The following SMKR1 variants were observed in gnomAD, a reference collection of about 807,000 sequenced individuals.
SMKR1 encodes small lysine-rich protein 1.
SMKR1 carries 4 observed loss-of-function variants against 4.0 expected under a neutral mutation model. That is an observed-to-expected ratio of 1.00 (90% CI 0.49 to 2.30). SMKR1 has a LOEUF of 2.30. Ranked by LOEUF, SMKR1 falls within the 30% of genes most tolerant of loss-of-function variation. SMKR1 has a pLI of 0.02. For missense variants in SMKR1, 56 were observed against 81.8 expected (o/e 0.68, Z 1.22); for synonymous variants, 38 against 32.5 (o/e 1.17, Z -0.58).
intron 1 of SMKR1, among the ~76,000 whole-genome samples, chr7:129,507,866 T>C (rs1799486053): frequency 6.6e-6 from 1 of 152,246 alleles, no homozygotes; most frequent in African/African-American, 2.4e-5. Context: ...TTGAGTGGTT[T>C]TCTTACTGTG....
chr7:129,505,408 A>G (rs967864253), intron 1 of SMKR1, among the ~76,000 whole-genome samples: 1 of 151,958 alleles, frequency 6.6e-6, no homozygotes, highest in Non-Finnish European at 1.5e-5. Context: ...TTTGGGCAAT[A>G]AATTATATGG....
intron 1 of SMKR1, among the ~76,000 whole-genome samples, chr7:129,509,380 C>T (rs1234860754): frequency 2.0e-5 from 3 of 152,086 alleles, no homozygotes; most frequent in East Asian, 3.9e-4. Flanking sequence ...ATGTACATCC[C>T]GTACCTCATG....
intron 1 of SMKR1, among the ~76,000 whole-genome samples, chr7:129,508,992 G>T (rs1484366329): frequency 6.6e-6 from 1 of 152,108 alleles, no homozygotes; most frequent in Non-Finnish European, 1.5e-5. Context: ...AGTGTGTTTG[G>T]CATGCAAAAA....
chr7:129,502,902 G>A (rs1280851453), intron 1 of SMKR1, 75 bp downstream of exon 1: 2 of 1,526,860 alleles, frequency 1.3e-6, no homozygotes, highest in Non-Finnish European at 8.8e-7. Context: ...GGAGAGGCGC[G>A]GGCGCCGAGG....
chr7:129,512,465 T>C lies in SMKR1; in HGVS notation c.*24T>C. The C allele has an allele frequency of 6.6e-7, 1 of 1,525,218 alleles. No individual in the cohort carries two copies. 94.5% of individuals were successfully genotyped at this position (1,525,218 alleles called of 1,614,324 possible). On this transcript the variant is annotated 3_prime_UTR_variant, in exon 2 of 2. Coordinates refer to ENST00000462322, the MANE Select transcript of SMKR1 (RefSeq NM_001195243.2). Reference sequence around the variant, plus strand: ...GACAGCATTTCACAACACATCTCTGTTACAGACAACAGGACCTGGGGAAGA... The same window carrying C: ...GACAGCATTTCACAACACATCTCTGCTACAGACAACAGGACCTGGGGAAGA...
At chr7:129,511,337 A>G (rs967596757) in intron 1 of SMKR1, among the ~76,000 whole-genome samples, 4 of 152,186 alleles carry the variant, frequency 2.6e-5, no homozygotes, top group Admixed American at 2.0e-4. Context: ...GGATTTTGCC[A>G]CATTTGCTTT....
intron 1 of SMKR1, among the ~76,000 whole-genome samples, chr7:129,505,966 T>C (rs1799460818): frequency 6.6e-6 from 1 of 152,064 alleles, no homozygotes; most frequent in Non-Finnish European, 1.5e-5. Flanking sequence ...TTAAGGAGTT[T>C]GGAGGGTTTT....
intron 1 of SMKR1, among the ~76,000 whole-genome samples, chr7:129,507,319 T>C (rs540595192): frequency 1.3e-5 from 2 of 152,168 alleles, no homozygotes; most frequent in East Asian, 3.9e-4. Flanking sequence ...CCAGCCAATT[T>C]TTTTTTTTAA....
rs568537242 is a variant in SMKR1, at chr7:129,512,551, G to T, written c.*110G>T. The T allele has an allele frequency of 9.1e-7, 1 of 1,094,766 alleles. No homozygotes were observed. Among genetic ancestry groups the T allele is most frequent in the South Asian group, 1.7e-5 (1 of 57,432 alleles). 67.8% of individuals were successfully genotyped at this position (1,094,766 alleles called of 1,614,324 possible). On this transcript the variant is annotated 3_prime_UTR_variant, in exon 2 of 2. Coordinates refer to ENST00000462322, the MANE Select transcript of SMKR1 (RefSeq NM_001195243.2). ...GACTTTACTCCAGACGACTTGAGAT[G>T]CAAATTAAGTGTGCTTTTCTGTGAT...
At position 129,508,745 on chromosome 7, in the gene SMKR1, G is replaced by A. The variant is rs553561736; in HGVS notation, c.4-3502G>A. On this transcript the variant is annotated intron_variant, in intron 1 of 1. Transcript: ENST00000462322. ...AGGCGTGAGCCATTGCACACAGCCG[G>A]TTCTTTTTTCCTAAGTCCGCTTTTC... Among the ~76,000 whole-genome samples, 7 of 152,260 alleles carry A rather than the reference G, an allele frequency of 4.6e-5. 1 individual carries two copies. The highest frequency in any genetic ancestry group is 1.7e-4 in the African/African-American group (7 of 41,546).
At chr7:129,507,615 G>A (rs1799483021) in intron 1 of SMKR1, among the ~76,000 whole-genome samples, 1 of 152,138 alleles carries the variant, frequency 6.6e-6, no homozygotes, top group African/African-American at 2.4e-5. Flanking sequence ...TTTTCAAAGT[G>A]GTTCTGTCAT....
chr7:129,509,787 C>G lies in SMKR1; in HGVS notation c.4-2460C>G, dbSNP rs1270852481. ...AACTCCTGACCTTGTGATCTGCCCG[C>G]CTCAGCCTCCCAAAGTGCTGGGATT... is the stretch of plus-strand genomic sequence containing the variant. On this transcript the variant is annotated intron_variant, in intron 1 of 1. Transcript: ENST00000462322. Among the ~76,000 whole-genome samples the G allele has an allele frequency of 2.0e-5, 3 of 152,312 alleles. No homozygotes were observed. The East Asian group carries it at 5.8e-4, about 29-fold the overall frequency.
intron 1 of SMKR1, among the ~76,000 whole-genome samples, chr7:129,511,075 G>A (rs907856982): frequency 7.2e-5 from 11 of 152,210 alleles, no homozygotes; most frequent in African/African-American, 2.7e-4. Flanking sequence ...CTTCCCAAGT[G>A]CTGGGATTAC....
chr7:129,510,397 A>G (rs986617079), intron 1 of SMKR1, among the ~76,000 whole-genome samples: 4 of 152,234 alleles, frequency 2.6e-5, no homozygotes, highest in Non-Finnish European at 5.9e-5. Flanking sequence ...TGAAGGCAGG[A>G]ATAATACATA....
Position 129,502,625 on chromosome 7 carries a change from C to G in SMKR1, c.-200C>G. 1 of 722,878 alleles carries G rather than the reference C, an allele frequency of 1.4e-6. No homozygotes were observed. Among genetic ancestry groups the G allele is most frequent in the Non-Finnish European group, 2.1e-6 (1 of 479,972 alleles). 44.8% of individuals were successfully genotyped at this position (722,878 alleles called of 1,614,324 possible). A position where few individuals can be genotyped will look rare whatever the true frequency, so the allele number is the denominator to read the frequency against. On this transcript the variant is annotated 5_prime_UTR_variant, in exon 1 of 2. Transcript: ENST00000462322. ...CAGGCGGCTCCGCGGCTGGCTGCCT[C>G]CCGAGCCGGCCGCGCTCCTCCCAGC...
chr7:129,509,207 G>A (rs1799500972), intron 1 of SMKR1, among the ~76,000 whole-genome samples: 2 of 152,164 alleles, frequency 1.3e-5, no homozygotes, highest in Non-Finnish European at 2.9e-5. Flanking sequence ...CAGCTATTCG[G>A]GAGGCTGAGG....
chr7:129,507,052 G>A (rs1195111766), intron 1 of SMKR1, among the ~76,000 whole-genome samples: 2 of 148,616 alleles, frequency 1.3e-5, no homozygotes, highest in African/African-American at 2.5e-5. Flanking sequence ...GTCTCACTCT[G>A]TTGCCCAGGC....
At chr7:129,503,338 G>T (rs1799430615) in intron 1 of SMKR1, among the ~76,000 whole-genome samples, 1 of 148,396 alleles carries the variant, frequency 6.7e-6, no homozygotes, top group South Asian at 2.1e-4. Flanking sequence ...TTCCAGAAGG[G>T]CTGTGACCTT....
At position 129,502,721 on chromosome 7, in the gene SMKR1, G is replaced by A; in HGVS notation, c.-104G>A. On this transcript the variant is annotated 5_prime_UTR_variant, in exon 1 of 2. Coordinates refer to ENST00000462322, the MANE Select transcript of SMKR1 (RefSeq NM_001195243.2). ...CCTGAGGAGGGCCGAGAAGGGGCCG[G>A]GGGTGCTAGGGGAACGGGCGCTGGG... 6.6e-7 allele frequency: 1 copy of A among 1,509,442 alleles called. No homozygotes were observed. The highest frequency in any genetic ancestry group is 1.2e-5 in the South Asian group (1 of 83,532). 93.5% of individuals were successfully genotyped at this position (1,509,442 alleles called of 1,614,324 possible).
Sources: allele counts gnomAD v4.1 joint callset (sites outside exome capture counted in the v4.1 genomes callset), GRCh38; gene constraint gnomAD v4.1.1; transcripts MANE v1.5; gene names NCBI Gene and HGNC (gene_info 2026-07-23, HGNC 2026-07-21).